The following ADAMTSL1 variants were observed in gnomAD, a reference collection of about 807,000 sequenced individuals.
ADAMTSL1 encodes ADAMTS-like protein 1.
ADAMTSL1 carries 126 observed loss-of-function variants against 201.8 expected under a neutral mutation model. The ratio of observed to expected loss-of-function variants is 0.62; its 90% CI spans 0.54 to 0.72. The LOEUF (loss-of-function observed/expected upper bound fraction) is 0.72. ADAMTSL1 is among the 30% of genes least tolerant of loss of function. ADAMTSL1 has a pLI of 0.00. For synonymous variants in ADAMTSL1, 1,121 were observed against 903.4 expected (o/e 1.24, Z -4.32); for missense variants, 2,679 against 2,277.8 (o/e 1.18, Z -3.59).
intron 2 of ADAMTSL1, among the ~76,000 whole-genome samples, chr9:18,269,687 G>A (rs1832279246): frequency 6.6e-6 from 1 of 151,956 alleles, no homozygotes; most frequent in South Asian, 2.1e-4. Flanking sequence ...ACCATAAAAG[G>A]CCATTTCCTT....
chr9:18,635,913 C>T (rs752065294), intron 5 of ADAMTSL1, 30 bp from the exon 6 acceptor site: 2 of 1,579,828 alleles, frequency 1.3e-6, no homozygotes, highest in African/African-American at 2.7e-5. Context: ...AAGTGACATG[C>T]TTTTAAGATT....
intron 2 of ADAMTSL1, among the ~76,000 whole-genome samples, chr9:18,518,661 A>T (rs1007906970): frequency 1.3e-5 from 2 of 151,990 alleles, no homozygotes; most frequent in African/African-American, 4.8e-5. Flanking sequence ...TTGGTTAGAT[A>T]CCCAGTGTGG....
chr9:18,128,923 A>C (rs1031180896), intron 1 of ADAMTSL1, among the ~76,000 whole-genome samples: 8 of 152,196 alleles, frequency 5.3e-5, no homozygotes, highest in Admixed American at 2.6e-4. Context: ...CCTTTGAAAA[A>C]GAAAGAACCT....
chr9:18,549,908 T>A (rs1204544776), intron 3 of ADAMTSL1, among the ~76,000 whole-genome samples: 1 of 151,948 alleles, frequency 6.6e-6, no homozygotes, highest in African/African-American at 2.4e-5. Flanking sequence ...ATCTTTGGCC[T>A]GCAGAATCAA....
chr9:18,699,313 T>A lies in ADAMTSL1; in HGVS notation c.1575-7434T>A, dbSNP rs551212247. ...TAGCTTTTCCATGTGTTTTGCTGGG[T>A]TTTTTACTTTTTTTTTTTTTTTTTT... is the stretch of plus-strand genomic sequence containing the variant. On this transcript the variant is annotated intron_variant, in intron 13 of 28. Coordinates refer to ENST00000380548, the MANE Select transcript of ADAMTSL1 (RefSeq NM_001040272.6). Among the ~76,000 whole-genome samples the A allele has an allele frequency of 1.2e-3, 176 of 149,104 alleles. 1 individual carries two copies. The highest frequency in any genetic ancestry group is 1.7e-3 in the South Asian group (8 of 4,662).
intron 2 of ADAMTSL1, among the ~76,000 whole-genome samples, chr9:18,448,909 T>G (rs978116222): frequency 5.9e-5 from 9 of 152,178 alleles, no homozygotes; most frequent in Non-Finnish European, 1.0e-4. Flanking sequence ...AGTGATATAT[T>G]ATTTCAAGTA....
chr9:18,612,601 A>T (rs1413498934), intron 4 of ADAMTSL1, among the ~76,000 whole-genome samples: 1 of 152,206 alleles, frequency 6.6e-6, no homozygotes, highest in Non-Finnish European at 1.5e-5. Context: ...CTGGTCTTTG[A>T]CAAAAACAAG....
At chr9:18,154,541 G>T (rs1462901143) in intron 1 of ADAMTSL1, among the ~76,000 whole-genome samples, 4 of 152,064 alleles carry the variant, frequency 2.6e-5, no homozygotes, top group Non-Finnish European at 5.9e-5. Context: ...ACACATATGT[G>T]CCTGTGCAGT....
intron 17 of ADAMTSL1, among the ~76,000 whole-genome samples, chr9:18,773,924 A>G (rs2133736518): frequency 6.6e-6 from 1 of 152,338 alleles, no homozygotes; most frequent in East Asian, 1.9e-4. Context: ...TAATTTTCAG[A>G]CTATAAAAGC....
chr9:18,233,730 T>C (rs1830733928), intron 2 of ADAMTSL1, among the ~76,000 whole-genome samples: 1 of 152,206 alleles, frequency 6.6e-6, no homozygotes, highest in South Asian at 2.1e-4. Flanking sequence ...AGAAGCCAGC[T>C]GTGGGCATTG....
At position 18,474,272 on chromosome 9, in the gene ADAMTSL1, C is replaced by T. The variant is rs1821340861; in HGVS notation, c.40C>T (p.Leu14Phe). 6.2e-7 allele frequency: 1 copy of T among 1,614,036 alleles called. No homozygotes were observed. Among genetic ancestry groups the T allele is most frequent in the South Asian group, 1.1e-5 (1 of 91,084 alleles). Residue 14 changes from leucine (L) to phenylalanine (F), a missense_variant, in exon 1 of 29, where the codon CTC becomes TTC. Transcript: ENST00000380548. ...TCGGGCAACTCCTGGCACACTGCTC[C>T]TCTTTCTGGCTTTCCTGCTCCTGGT... ...CRRATPGTLL[L>F]FLAFLLLSSR...
intron 5 of ADAMTSL1, among the ~76,000 whole-genome samples, chr9:18,632,579 CT>C (rs1466976632): frequency 6.6e-6 from 1 of 152,030 alleles, no homozygotes; most frequent in Non-Finnish European, 1.5e-5. Context: ...TCTTAGATCC[CT>C]TTTTCAGGAC....
At chr9:18,124,098 T>TC (rs1825628601) in intron 1 of ADAMTSL1, among the ~76,000 whole-genome samples, 1 of 148,800 alleles carries the variant, frequency 6.7e-6, no homozygotes, top group South Asian at 2.2e-4. Context: ...TTTTTTTTTT[T>TC]TTGAGATGGA....
intron 4 of ADAMTSL1, among the ~76,000 whole-genome samples, chr9:18,620,114 T>A (rs1048518665): frequency 6.6e-6 from 1 of 151,242 alleles, no homozygotes. Context: ...GAACCTCATG[T>A]GACACCTCCC....
In ADAMTSL1 at chr9:17,914,170, A is replaced by T. The variant is rs1242349620; in HGVS notation, c.87+7248A>T. ...GAGGGAATCCTCCCTAACTCATTTT[A>T]TGAGGCCAGCATCATCCTGATACCA... is the stretch of plus-strand genomic sequence containing the variant. On this transcript the variant is annotated intron_variant, in intron 1 of 29. Coordinates refer to the ADAMTSL1 transcript ENST00000680146. Among the ~76,000 whole-genome samples, 6 of 152,342 alleles carry T rather than the reference A, an allele frequency of 3.9e-5. 1 individual carries two copies. In the East Asian group the frequency reaches 1.2e-3, roughly 29 times the overall value.
intron 2 of ADAMTSL1, among the ~76,000 whole-genome samples, chr9:18,359,138 T>C (rs1267706761): frequency 1.3e-5 from 2 of 152,190 alleles, no homozygotes; most frequent in African/African-American, 2.4e-5. Flanking sequence ...CAGGCAAACA[T>C]ATATGCATGC....
chr9:17,990,119 C>T (rs1819090868), intron 1 of ADAMTSL1, among the ~76,000 whole-genome samples: 1 of 151,740 alleles, frequency 6.6e-6, no homozygotes, highest in Non-Finnish European at 1.5e-5. Context: ...CAAGAATGAC[C>T]TTTAAATTTA....
chr9:18,360,040 A>C (rs1836448249), intron 2 of ADAMTSL1, among the ~76,000 whole-genome samples: 1 of 152,026 alleles, frequency 6.6e-6, no homozygotes, highest in Non-Finnish European at 1.5e-5. Context: ...TTGGCACTTG[A>C]TTAGTGCTCA....
At chr9:18,857,880 C>A (rs1349347935) in intron 23 of ADAMTSL1, among the ~76,000 whole-genome samples, 1 of 152,104 alleles carries the variant, frequency 6.6e-6, no homozygotes, top group African/African-American at 2.4e-5. Context: ...TCTTTTGACA[C>A]GTTCATATCA....
Sources: gnomAD v4.1 joint callset for allele counts (sites outside exome capture counted in the v4.1 genomes callset) on GRCh38, gnomAD v4.1.1 for gene constraint, MANE v1.5 for transcripts, NCBI Gene and HGNC (gene_info 2026-07-23, HGNC 2026-07-21) for gene names.